Variants in SYT16 observed in about 807,000 individuals in gnomAD.
The protein encoded by SYT16 is synaptotagmin 16.
In SYT16, 42 loss-of-function variants were observed where a neutral mutation model predicts 61.4. The ratio of observed to expected loss-of-function variants is 0.68; its 90% confidence interval spans 0.53 to 0.89. The LOEUF (loss-of-function observed/expected upper bound fraction) is 0.89. Among genes scored for constraint, SYT16 ranks in the 40% least tolerant of loss-of-function variants. The pLI, the probability that SYT16 is intolerant of heterozygous loss-of-function variation, is 0.00. For synonymous variants in SYT16, 314 were observed against 302.3 expected (o/e 1.04, Z -0.40); for missense variants, 804 against 807.3 (o/e 1.00, Z 0.05).
At chr14:61,859,752 G>T (rs1316498791) in intron 1 of SYT16, among the ~76,000 whole-genome samples, 2 of 152,010 alleles carry the variant, frequency 1.3e-5, no homozygotes, top group African/African-American at 4.8e-5. Flanking sequence ...GAAGATGAAG[G>T]CATCTGGGAA....
chr14:61,869,481 T>C (rs187134987), intron 1 of SYT16, among the ~76,000 whole-genome samples: 40 of 152,314 alleles, frequency 2.6e-4, no homozygotes, highest in African/African-American at 8.7e-4. Context: ...CAACATCTAC[T>C]TTCAAATAAT....
chr14:61,832,483 C>T, intron 1 of SYT16: 1 of 372,338 alleles, frequency 2.7e-6, no homozygotes. Context: ...GTTGCCCAGG[C>T]TGTGGCGCAG....
chr14:62,016,539 C>CAAAAA (rs10610233), intron 3 of SYT16, among the ~76,000 whole-genome samples: 3 of 97,298 alleles, frequency 3.1e-5, no homozygotes, highest in Non-Finnish European at 4.2e-5. Flanking sequence ...TCTAAAAATA[C>CAAAAA]AAAAAAAAAA....
chr14:62,028,204 A>G (rs887145539), intron 3 of SYT16, among the ~76,000 whole-genome samples: 5 of 152,156 alleles, frequency 3.3e-5, no homozygotes, highest in Admixed American at 2.0e-4. Flanking sequence ...TTGTCTTGCA[A>G]TGGTTTGATT....
chr14:62,082,986 C>T (rs925007861), intron 6 of SYT16, among the ~76,000 whole-genome samples: 1 of 152,136 alleles, frequency 6.6e-6, no homozygotes, highest in Non-Finnish European at 1.5e-5. Flanking sequence ...GGTGCCACAG[C>T]GGGAAGCTTT....
chr14:61,942,681 G>C (rs1341091048), intron 1 of SYT16, among the ~76,000 whole-genome samples: 1 of 152,132 alleles, frequency 6.6e-6, no homozygotes, highest in African/African-American at 2.4e-5. Flanking sequence ...ACTAAAGATG[G>C]GGGTGGAAAG....
intron 2 of SYT16, among the ~76,000 whole-genome samples, chr14:61,985,541 G>A (rs533799741): frequency 6.6e-6 from 1 of 152,256 alleles, no homozygotes; most frequent in East Asian, 1.9e-4. Flanking sequence ...GTTGGTTGTA[G>A]GGTATCTTTC....
intron 1 of SYT16, among the ~76,000 whole-genome samples, chr14:61,941,591 T>G (rs1470288980): frequency 6.6e-6 from 1 of 152,210 alleles, no homozygotes; most frequent in Non-Finnish European, 1.5e-5. Flanking sequence ...ATACCTCTCA[T>G]TCTATCTTCC....
At chr14:61,886,534 G>T (rs1387804738) in intron 1 of SYT16, among the ~76,000 whole-genome samples, 1 of 152,194 alleles carries the variant, frequency 6.6e-6, no homozygotes, top group Non-Finnish European at 1.5e-5. Flanking sequence ...AAACCACTTT[G>T]CTCATCTGCT....
At chr14:61,978,683 C>T (rs938636964) in intron 2 of SYT16, among the ~76,000 whole-genome samples, 3 of 152,070 alleles carry the variant, frequency 2.0e-5, no homozygotes, top group African/African-American at 7.3e-5. Flanking sequence ...GAGGGAAGTG[C>T]TTGACCAGAG....
At chr14:61,913,704 T>TTTTGTGTGTGTGTGTG (rs1555356229) in intron 1 of SYT16, among the ~76,000 whole-genome samples, 2 of 145,758 alleles carry the variant, frequency 1.4e-5, no homozygotes, top group African/African-American at 2.6e-5. Context: ...CTTTGGGTCT[T>TTTTGTGTGTGTGTGTG]TGTGTGTGTG....
chr14:62,035,895 G>A (rs771905302), intron 3 of SYT16, among the ~76,000 whole-genome samples: 3 of 152,188 alleles, frequency 2.0e-5, no homozygotes, highest in Non-Finnish European at 2.9e-5. Flanking sequence ...AACTACAGTA[G>A]GATGGGGCTA....
At chr14:61,957,000 A>C (rs545640990) in intron 1 of SYT16, among the ~76,000 whole-genome samples, 33 of 151,802 alleles carry the variant, frequency 2.2e-4, no homozygotes, top group Admixed American at 8.5e-4. Flanking sequence ...AATGTTTTGT[A>C]GTTTTCCATG....
intron 1 of SYT16, among the ~76,000 whole-genome samples, chr14:61,874,479 G>A (rs983675296): frequency 3.3e-5 from 5 of 152,140 alleles, no homozygotes; most frequent in Non-Finnish European, 7.4e-5. Flanking sequence ...TGTGTATACC[G>A]AGGAACAACT....
chr14:61,897,780 A>G (rs578227475), intron 1 of SYT16, among the ~76,000 whole-genome samples: 1 of 152,246 alleles, frequency 6.6e-6, no homozygotes, highest in South Asian at 2.1e-4. Flanking sequence ...AAAGCCTTTT[A>G]GAACCCATAG....
intron 1 of SYT16, chr14:61,832,341 A>T: frequency 1.7e-6 from 1 of 574,476 alleles, no homozygotes; most frequent in South Asian, 1.4e-5. Flanking sequence ...TCGCTTGCCA[A>T]CTAGGCTAAC....
At chr14:62,091,090 T>C (rs2057056440) in intron 7 of SYT16, among the ~76,000 whole-genome samples, 1 of 152,142 alleles carries the variant, frequency 6.6e-6, no homozygotes, top group Non-Finnish European at 1.5e-5. Flanking sequence ...TCATATCACA[T>C]GGTATGTCAA....
At chr14:61,841,978 T>C (rs1438801031) in intron 1 of SYT16, among the ~76,000 whole-genome samples, 2 of 152,208 alleles carry the variant, frequency 1.3e-5, no homozygotes, top group Non-Finnish European at 2.9e-5. Flanking sequence ...GCAATAAACA[T>C]ATGAGTGCAG....
At chr14:61,850,487 T>A (rs2046580606) in intron 1 of SYT16, among the ~76,000 whole-genome samples, 2 of 152,208 alleles carry the variant, frequency 1.3e-5, no homozygotes, top group African/African-American at 4.8e-5. Context: ...TGTGGTTTGT[T>A]AGCTGTTTGC....
Sources: gnomAD v4.1 joint callset for allele counts (sites outside exome capture counted in the v4.1 genomes callset) on GRCh38, gnomAD v4.1.1 for gene constraint, MANE v1.5 for transcripts, NCBI Gene and HGNC (gene_info 2026-07-23, HGNC 2026-07-21) for gene names.